Variants in OXR1 observed in about 807,000 individuals in gnomAD.
OXR1 encodes oxidation resistance protein 1.
A neutral mutation model predicts 104.6 loss-of-function variants in OXR1; 41 were observed. The ratio of observed to expected loss-of-function variants is 0.39; its 90% CI spans 0.31 to 0.51. OXR1 has a LOEUF of 0.51. Ranked by LOEUF, OXR1 falls within the 20% of genes least tolerant of loss-of-function variation. The pLI is 0.77. For missense variants in OXR1, 955 were observed against 1,031.9 expected (o/e 0.93, Z 1.02); for synonymous variants, 348 against 348.4 (o/e 1.00, Z 0.01).
At chr8:106,626,653 C>CT (rs1445890413) in intron 3 of OXR1, among the ~76,000 whole-genome samples, 15 of 146,924 alleles carry the variant, frequency 1.0e-4, no homozygotes, top group African/African-American at 3.5e-4. Flanking sequence ...TTAATAATAT[C>CT]TTTAAAAAAA....
Position 106,533,943 on chromosome 8 carries a change from C to T in OXR1, c.220+14804C>T, listed in dbSNP as rs145075688. The stretch of plus-strand genomic sequence containing the variant: ...GATCAGTCTGGTCTTGAACTCCCAA[C>T]GTCAGGTGATCCACCTGCCTCAGCC... On this transcript the variant is annotated intron_variant, in intron 3 of 16. Transcript: ENST00000517566. Among the ~76,000 whole-genome samples the T allele has an allele frequency of 2.5e-3, 380 of 152,158 alleles. 2 individuals carry two copies. The highest frequency in any genetic ancestry group is 8.9e-3 in the African/African-American group (368 of 41,506).
At chr8:106,720,491 A>T (rs1832736808) in intron 11 of OXR1, among the ~76,000 whole-genome samples, 1 of 152,250 alleles carries the variant, frequency 6.6e-6, no homozygotes, top group African/African-American at 2.4e-5. Context: ...CTGTCATGCA[A>T]GTTATATGAA....
At chr8:106,291,327 A>G (rs887150422) in intron 1 of OXR1, among the ~76,000 whole-genome samples, 4 of 152,148 alleles carry the variant, frequency 2.6e-5, no homozygotes, top group African/African-American at 7.2e-5. Flanking sequence ...AAAACTACCT[A>G]TTGGGTATTG....
At chr8:106,308,400 G>C (rs1563708820) in intron 1 of OXR1, among the ~76,000 whole-genome samples, 1 of 152,106 alleles carries the variant, frequency 6.6e-6, no homozygotes, top group East Asian at 1.9e-4. Flanking sequence ...ATCTTTTCCA[G>C]AAACGCCCAC....
In OXR1 at chr8:106,743,592, A is replaced by G. The variant is rs149262471; in HGVS notation, c.2412+1275A>G. On this transcript the variant is annotated intron_variant, in intron 15 of 16. Transcript: ENST00000517566. Reference sequence around the variant, plus strand: ...CTCCTCGGCCTCCCAGAGTGCTGGGATTACAGGCGTGAGCCACCACGCCCA... The same window carrying G: ...CTCCTCGGCCTCCCAGAGTGCTGGGGTTACAGGCGTGAGCCACCACGCCCA... Among the ~76,000 whole-genome samples the G allele has an allele frequency of 3.9e-5, 6 of 152,330 alleles. 1 individual carries two copies. The highest frequency in any genetic ancestry group is 1.2e-4 in the African/African-American group (5 of 41,580).
chr8:106,399,068 G>A (rs920659848), intron 2 of OXR1, among the ~76,000 whole-genome samples: 2 of 151,444 alleles, frequency 1.3e-5, no homozygotes, highest in Non-Finnish European at 2.9e-5. Context: ...AATGATTTTG[G>A]TGCCCAAAAG....
chr8:106,747,313 G>T (rs1835471607), intron 16 of OXR1, among the ~76,000 whole-genome samples: 1 of 152,178 alleles, frequency 6.6e-6, no homozygotes, highest in Non-Finnish European at 1.5e-5. Flanking sequence ...TATAATTTTT[G>T]TGCAAATCCT....
At chr8:106,450,484 A>G (rs1820249235) in intron 2 of OXR1, among the ~76,000 whole-genome samples, 1 of 152,186 alleles carries the variant, frequency 6.6e-6, no homozygotes, top group South Asian at 2.1e-4. Context: ...TGAAAAGGAA[A>G]AGCAAAAGCT....
chr8:106,460,348 A>G (rs911565209), intron 2 of OXR1, among the ~76,000 whole-genome samples: 4 of 152,194 alleles, frequency 2.6e-5, no homozygotes, highest in Non-Finnish European at 4.4e-5. Context: ...ATCTTTTTAT[A>G]TATGAGAAAC....
At chr8:106,665,333 T>C (rs1412478865) in intron 3 of OXR1, among the ~76,000 whole-genome samples, 1 of 152,136 alleles carries the variant, frequency 6.6e-6, no homozygotes, top group Non-Finnish European at 1.5e-5. Context: ...CAGATGTGGG[T>C]AGAATGTGTA....
chr8:106,370,702 T>C (rs767490939), intron 2 of OXR1, among the ~76,000 whole-genome samples: 2 of 152,236 alleles, frequency 1.3e-5, no homozygotes, highest in Non-Finnish European at 2.9e-5. Flanking sequence ...ATTACACTTA[T>C]TGATTTGCAT....
intron 2 of OXR1, among the ~76,000 whole-genome samples, chr8:106,425,077 G>A (rs1332380119): frequency 7.5e-6 from 1 of 133,458 alleles, no homozygotes; most frequent in Non-Finnish European, 1.6e-5. Flanking sequence ...TTTTTTGTTT[G>A]GTTTGGTTTT....
chr8:106,548,171 A>C (rs778270950), intron 3 of OXR1, among the ~76,000 whole-genome samples: 1 of 152,190 alleles, frequency 6.6e-6, no homozygotes, highest in Non-Finnish European at 1.5e-5. Context: ...AGTCATCCTA[A>C]TGAGTGGGAA....
intron 3 of OXR1, among the ~76,000 whole-genome samples, chr8:106,582,175 G>GAT (rs1376386650): frequency 1.7e-5 from 1 of 60,126 alleles, no homozygotes; most frequent in Non-Finnish European, 2.9e-5. Context: ...TTTTTCTATT[G>GAT]ACATATATAT....
At chr8:106,536,175 G>A (rs539926865) in intron 3 of OXR1, among the ~76,000 whole-genome samples, 92 of 151,400 alleles carry the variant, frequency 6.1e-4, no homozygotes, top group Non-Finnish European at 9.9e-4. Flanking sequence ...AGCAGAGATC[G>A]CGCCACTGCA....
At chr8:106,356,543 T>C (rs1361427773) in intron 1 of OXR1, among the ~76,000 whole-genome samples, 1 of 152,170 alleles carries the variant, frequency 6.6e-6, no homozygotes, top group Non-Finnish European at 1.5e-5. Context: ...TTTGTTTTTG[T>C]ATTATTTTTA....
chr8:106,616,100 G>T (rs1274033107), intron 3 of OXR1, among the ~76,000 whole-genome samples: 10 of 140,228 alleles, frequency 7.1e-5, no homozygotes, highest in African/African-American at 2.7e-4. Context: ...CAGTGGCAAT[G>T]GTGCGATCTC....
intron 1 of OXR1, among the ~76,000 whole-genome samples, chr8:106,294,604 C>G (rs1324077705): frequency 6.6e-6 from 1 of 151,684 alleles, no homozygotes; most frequent in Non-Finnish European, 1.5e-5. Flanking sequence ...AGGAGAGAGA[C>G]AGAGAGACAG....
At position 106,694,289 on chromosome 8, in the gene OXR1, TTCTG is replaced by T. The variant is rs568993816; in HGVS notation, c.675+1419_675+1422del. Among the ~76,000 whole-genome samples the T allele has an allele frequency of 4.8e-4, 72 of 151,158 alleles. No homozygotes were observed. The East Asian group carries it at 0.012, about 26-fold the overall frequency. On this transcript the variant is annotated intron_variant, in intron 7 of 16. Transcript: ENST00000517566. ...GTGATAGTGTCCTGTATTTCTGATT[TTCTG>T]TCTGTCAGTTGTTGATAGAAGAATT... is the stretch of plus-strand genomic sequence containing the variant.
Sources: gnomAD v4.1 joint callset for allele counts (sites outside exome capture counted in the v4.1 genomes callset) on GRCh38, gnomAD v4.1.1 for gene constraint, MANE v1.5 for transcripts, NCBI Gene and HGNC (gene_info 2026-07-23, HGNC 2026-07-21) for gene names.